BCCIP: variants seen among roughly 807,000 people sequenced by gnomAD.
The protein encoded by BCCIP is BRCA2 and CDKN1A-interacting protein.
Under a neutral mutation model 32.8 loss-of-function variants are expected in BCCIP, and 23 were observed. The observed-to-expected ratio is 0.70, with a 90% confidence interval of 0.51 to 0.99. The LOEUF (loss-of-function observed/expected upper bound fraction) is 0.99, where lower values mean the gene tolerates loss of function less well. Ranked by LOEUF, BCCIP falls within the 50% of genes least tolerant of loss-of-function variation. The pLI, the probability that BCCIP is intolerant of heterozygous loss-of-function variation, is 0.00. For missense variants in BCCIP, 378 were observed against 379.8 expected, an observed-to-expected ratio of 1.00 and a Z score of 0.04; for synonymous variants, 144 against 137.6, an observed-to-expected ratio of 1.05 and a Z score of -0.33.
In BCCIP at chr10:125,831,599, G is replaced by C; in HGVS notation, c.591G>C (p.Gln197His). ...CACAGATCGCTCTGCCCATGTACCAGCAGCTTCAGTAAGAGATTCTGGGAA... is the reference window on the plus strand; with the variant it reads ...CACAGATCGCTCTGCCCATGTACCACCAGCTTCAGTAAGAGATTCTGGGAA... ...VPPQIALPMY[Q>H]QLQKELAGAH... The change falls in exon 5 of 7, where the codon CAG becomes CAC. Residue 197 changes from glutamine to histidine, a missense_variant. Transcript: ENST00000278100. 1 of 1,605,588 alleles carries C rather than the reference G, an allele frequency of 6.2e-7. No homozygotes were observed.
chr10:125,834,929 G>A (rs1330845878), intron 6 of BCCIP, among the ~76,000 whole-genome samples: 1 of 144,464 alleles, frequency 6.9e-6, no homozygotes, highest in Non-Finnish European at 1.5e-5. Flanking sequence ...TCAGGAGATC[G>A]AGACCATCCT....
In BCCIP at chr10:125,831,600, C is replaced by A. The variant is rs745690875; in HGVS notation, c.592C>A (p.Gln198Lys). ...ACAGATCGCTCTGCCCATGTACCAG[C>A]AGCTTCAGTAAGAGATTCTGGGAAA... Reference protein sequence around the residue: ...PPQIALPMYQQLQKELAGAHR... With the variant: ...PPQIALPMYQKLQKELAGAHR... Residue 198 changes from glutamine to lysine, a missense_variant, in exon 5 of 7, where the codon CAG (glutamine) becomes AAG (lysine). Coordinates refer to ENST00000278100, the MANE Select transcript of BCCIP (RefSeq NM_078468.3). 2 of 1,605,084 alleles carry A rather than the reference C, an allele frequency of 1.2e-6. No homozygotes were observed. The highest frequency in any genetic ancestry group is 4.5e-5 in the East Asian group (2 of 44,812).
chr10:125,853,040 C>A, intron 7 of BCCIP: 2 of 993,404 alleles, frequency 2.0e-6, no homozygotes, highest in Non-Finnish European at 3.0e-6. Flanking sequence ...TTGGTGGTCT[C>A]ACCTTTACAA....
chr10:125,824,828 C>T (rs1464167977), intron 1 of BCCIP, among the ~76,000 whole-genome samples: 3 of 152,146 alleles, frequency 2.0e-5, no homozygotes, highest in African/African-American at 7.2e-5. Flanking sequence ...AGAGTCTTCA[C>T]AATTGAGGGA....
chr10:125,838,133 C>A, downstream of BCCIP: 1 of 1,414,708 alleles, frequency 7.1e-7, no homozygotes, highest in Non-Finnish European at 9.4e-7. Context: ...AGAATAAAAG[C>A]CAAATTTGTC....
chr10:125,841,265 A>T (rs745491203), downstream of BCCIP: 2 of 1,614,112 alleles, frequency 1.2e-6, no homozygotes, highest in Non-Finnish European at 1.7e-6. Flanking sequence ...GAGCAGGGAA[A>T]ACCTGAGGTG....
chr10:125,831,362 G>A (rs1242357905), intron 4 of BCCIP, 58 bp from the exon 5 acceptor site: 1 of 1,539,816 alleles, frequency 6.5e-7, no homozygotes, highest in East Asian at 2.3e-5. Flanking sequence ...TTACTCTCAG[G>A]TTTTGTCCTC....
chr10:125,835,351 C>A (rs560869207), intron 6 of BCCIP, among the ~76,000 whole-genome samples: 4 of 152,056 alleles, frequency 2.6e-5, no homozygotes, highest in African/African-American at 4.8e-5. Flanking sequence ...GAGGCCAAGG[C>A]GGGCGGATCA....
chr10:125,823,849 G>A, intron 1 of BCCIP, 127 bp downstream of exon 1: 1 of 1,371,304 alleles, frequency 7.3e-7, no homozygotes, highest in Non-Finnish European at 1.0e-6. Context: ...CTGGAGATAA[G>A]TTCTTTCTCA....
downstream of BCCIP, chr10:125,836,810 A>G (rs1854703034): frequency 6.2e-7 from 1 of 1,614,166 alleles, no homozygotes; most frequent in Middle Eastern, 1.6e-4. Context: ...TACTTTCACT[A>G]GGAGGCAGAT....
exon 8 of BCCIP, chr10:125,853,395 A>G (rs1944117291): frequency 2.3e-6 from 1 of 437,806 alleles, no homozygotes; most frequent in Non-Finnish European, 4.0e-6. Flanking sequence ...AGAGTTTGAG[A>G]TACCTTGTTT....
chr10:125,836,862 A>G (rs377298429), downstream of BCCIP: 4 of 1,613,252 alleles, frequency 2.5e-6, no homozygotes, highest in African/African-American at 1.3e-5. Flanking sequence ...AAATCTGTTT[A>G]TTTAAGACAA....
At chr10:125,850,149 A>T (rs1326936304) in intron 7 of BCCIP, among the ~76,000 whole-genome samples, 1 of 151,378 alleles carries the variant, frequency 6.6e-6, no homozygotes, top group Non-Finnish European at 1.5e-5. Flanking sequence ...AAAAAAAAAA[A>T]AAAAATTTGT....
At chr10:125,839,296 A>C, downstream of BCCIP, 1 of 1,143,242 alleles carries the variant, frequency 8.7e-7, no homozygotes, top group Non-Finnish European at 1.2e-6. Context: ...CTCTCCTACA[A>C]AGGAGGCCAC....
At chr10:125,827,001 A>AAAAAAAAAAAAAG (rs1344729538) in intron 2 of BCCIP, among the ~76,000 whole-genome samples, 1 of 151,566 alleles carries the variant, frequency 6.6e-6, no homozygotes, top group Non-Finnish European at 1.5e-5. Flanking sequence ...GTCTCTAAAA[A>AAAAAAAAAAAAAG]AAAAGAAAAT....
chr10:125,836,408 C>CT lies in BCCIP; in HGVS notation c.*135dup. On this transcript the variant is annotated 3_prime_UTR_variant, in exon 7 of 7. Transcript: ENST00000278100. ...AAGTAGGGTTCTGTCCCATGTGTCT[C>CT]TGACACATTTACAAAATACCAGTTT... is the stretch of plus-strand genomic sequence containing the variant. 2 of 1,482,032 alleles carry CT rather than the reference C, an allele frequency of 1.3e-6. No homozygotes were observed. The highest frequency in any genetic ancestry group is 4.9e-5 in the East Asian group (2 of 40,892). The allele number at this position is 1,482,032 out of a possible 1,614,324, so 91.8% of individuals were successfully genotyped here.
In BCCIP at chr10:125,823,555, A is replaced by G. The variant is rs1324634450; in HGVS notation, c.-3A>G. On this transcript the variant is annotated 5_prime_UTR_variant, in exon 1 of 7. Coordinates refer to ENST00000278100, the MANE Select transcript of BCCIP (RefSeq NM_078468.3). ...GCTGCGCAGGCGCAGTGTGAGCGGC[A>G]ACATGGCGTCCAGGTCTAAGCGGCG... 1 of 1,613,528 alleles carries G rather than the reference A, an allele frequency of 6.2e-7. No homozygotes were observed. The highest frequency in any genetic ancestry group is 1.7e-5 in the Admixed American group (1 of 60,016).
At chr10:125,827,865 G>C (rs999022280) in intron 3 of BCCIP, among the ~76,000 whole-genome samples, 4 of 150,840 alleles carry the variant, frequency 2.7e-5, no homozygotes, top group Non-Finnish European at 5.9e-5. Context: ...TTTTTACCCA[G>C]GTGGCTGAGG....
intron 4 of BCCIP, 108 bp from the exon 5 acceptor site, chr10:125,831,312 A>C: frequency 9.3e-7 from 1 of 1,076,442 alleles, no homozygotes; most frequent in Non-Finnish European, 1.4e-6. Flanking sequence ...AGGCTATGGC[A>C]GGAAACTGCC....
Sources: gnomAD v4.1 joint callset for allele counts (sites outside exome capture counted in the v4.1 genomes callset) on GRCh38, gnomAD v4.1.1 for gene constraint, MANE v1.5 for transcripts, NCBI Gene and HGNC (gene_info 2026-07-23, HGNC 2026-07-21) for gene names.